Variants in TRAP1 observed in about 807,000 individuals in gnomAD.
The protein encoded by TRAP1 is heat shock protein 75 kDa, mitochondrial.
TRAP1 carries 102 observed loss-of-function variants against 89.1 expected under a neutral mutation model. That is an observed-to-expected ratio of 1.15 (90% CI 0.98 to 1.35). The LOEUF (loss-of-function observed/expected upper bound fraction) is 1.35, where lower values mean the gene tolerates loss of function less well. Among genes scored for constraint, TRAP1 ranks in the 40% most tolerant of loss-of-function variants. The probability of loss-of-function intolerance (pLI) is 0.00; values close to 1 mark genes in which losing one functional copy is unlikely to be tolerated. For missense variants in TRAP1, 1,256 were observed against 945.3 expected (o/e 1.33, Z -4.31); for synonymous variants, 508 against 388.0 (o/e 1.31, Z -3.64).
At position 3,671,722 on chromosome 16, in the gene TRAP1, C is replaced by T. The variant is rs146977106; in HGVS notation, c.1235G>A (p.Arg412Lys). 14 of 1,612,626 alleles carry T rather than the reference C, an allele frequency of 8.7e-6. No individual in the cohort carries two copies. In the African/African-American group the frequency reaches 1.5e-4, roughly 17 times the overall value. The change falls in exon 11 of 18, where the codon AGG (arginine) becomes AAG (lysine). Residue 412 changes from arginine (R) to lysine (K), a missense_variant and splice_region_variant. Physicochemically the swap from Arg to Lys is conservative, Grantham distance 26. Coordinates refer to ENST00000246957, the MANE Select transcript of TRAP1 (RefSeq NM_016292.3). ...RELLQESALI[R>K]KLRDVLQQRL... is the part of the protein sequence containing the mutation. ...CCTCTCCCCGCGGCCCGAGGCTCAC[C>T]TGATGAGTGCGCTCTCCTGCAGCAG...
In TRAP1 at chr16:3,665,975, ACCT is replaced by A; in HGVS notation, c.1376_1378del (p.Glu459del). The A allele has an allele frequency of 6.2e-7, 1 of 1,612,538 alleles. No individual in the cohort carries two copies. The highest frequency in any genetic ancestry group is 8.5e-7 in the Non-Finnish European group (1 of 1,179,484). On this transcript the variant is annotated inframe_deletion, in exon 12 of 18. Coordinates refer to ENST00000246957, the MANE Select transcript of TRAP1 (RefSeq NM_016292.3). ...CCTGGAACACAGCTCCTATACCTTG[ACCT>A]CCTGCTCGGTGGCGGTCACAATGCC...
chr16:3,685,648 A>G (rs1285915263), intron 4 of TRAP1, among the ~76,000 whole-genome samples: 1 of 152,182 alleles, frequency 6.6e-6, no homozygotes, highest in Non-Finnish European at 1.5e-5. Flanking sequence ...CGGCATTTTG[A>G]GGGGAAAACG....
Position 3,706,116 on chromosome 16 carries a change from A to C in TRAP1, c.88+11305T>G, listed in dbSNP as rs567615812. ...TGCTGAGGCACCCGCCACCACGCCC[A>C]GTTAATTTTTGTATTTTTAGTAGAG... On this transcript the variant is annotated intron_variant, in intron 1 of 17. Transcript: ENST00000246957. 2.6e-3 allele frequency among the ~76,000 whole-genome samples: 394 copies of C among 150,474 alleles called. 5 individuals carry two copies. The highest frequency in any genetic ancestry group is 2.7e-3 in the Non-Finnish European group (182 of 67,744).
At chr16:3,677,807 G>C in intron 5 of TRAP1, 149 bp from the exon 6 acceptor site, 1 of 891,520 alleles carries the variant, frequency 1.1e-6, no homozygotes, top group Non-Finnish European at 1.7e-6. Context: ...TACACGTGAA[G>C]AGCTAAGTCA....
chr16:3,715,142 G>A (rs2051580978), intron 1 of TRAP1, among the ~76,000 whole-genome samples: 1 of 152,168 alleles, frequency 6.6e-6, no homozygotes, highest in Admixed American at 6.6e-5. Context: ...CAATTTTTAA[G>A]AAAAAGAGAT....
intron 1 of TRAP1, among the ~76,000 whole-genome samples, chr16:3,707,460 C>G (rs1167580156): frequency 1.3e-5 from 2 of 151,384 alleles, no homozygotes; most frequent in African/African-American, 4.9e-5. Context: ...GCTAGGATTA[C>G]AAGCGTGAGC....
chr16:3,704,449 T>G (rs2051411956), intron 1 of TRAP1: 1 of 152,210 alleles, frequency 6.6e-6, no homozygotes, highest in Non-Finnish European at 1.5e-5. Flanking sequence ...ATTCTAAAAT[T>G]CATGTGGAAA....
intron 11 of TRAP1, among the ~76,000 whole-genome samples, chr16:3,668,290 C>T (rs1320428869): frequency 6.6e-6 from 1 of 151,420 alleles, no homozygotes; most frequent in Admixed American, 6.6e-5. Context: ...GAACTCCTGA[C>T]CTCAGGTGAT....
chr16:3,672,600 T>C (rs2050928875), intron 10 of TRAP1, 100 bp downstream of exon 10: 8 of 1,456,320 alleles, frequency 5.5e-6, no homozygotes, highest in Non-Finnish European at 6.3e-6. Flanking sequence ...GTGCTCTCGC[T>C]GCAGAGGGCT....
At chr16:3,690,033 G>T (rs537233286) in intron 2 of TRAP1, among the ~76,000 whole-genome samples, 2 of 152,064 alleles carry the variant, frequency 1.3e-5, no homozygotes, top group African/African-American at 4.8e-5. Flanking sequence ...TTAGAGGCAG[G>T]ATCTGGCTCT....
chr16:3,664,721 C>T (rs951870769), intron 12 of TRAP1: 23 of 436,034 alleles, frequency 5.3e-5, no homozygotes, highest in Admixed American at 8.9e-5. Flanking sequence ...ACGCGCACCA[C>T]GCCCTGGGAG....
chr16:3,705,993 CTTTT>C (rs1027983602), intron 1 of TRAP1, among the ~76,000 whole-genome samples: 6 of 149,010 alleles, frequency 4.0e-5, no homozygotes, highest in Admixed American at 6.7e-5. Context: ...AGTCCCGGCC[CTTTT>C]TTTCTTTTTT....
intron 1 of TRAP1, among the ~76,000 whole-genome samples, chr16:3,697,070 C>T (rs2051297693): frequency 1.3e-5 from 2 of 152,178 alleles, no homozygotes; most frequent in Admixed American, 1.3e-4. Flanking sequence ...CCAAGTCACA[C>T]TCCACAGAGA....
chr16:3,671,725 A>G lies in TRAP1; in HGVS notation c.1232T>C (p.Ile411Thr), dbSNP rs773434458. 7 of 1,612,848 alleles carry G rather than the reference A, an allele frequency of 4.3e-6. No individual in the cohort carries two copies. Among genetic ancestry groups the G allele is most frequent in the Non-Finnish European group, 5.1e-6 (6 of 1,179,998 alleles). Residue 411 changes from isoleucine to threonine, a missense_variant, in exon 11 of 18, where the codon ATC becomes ACC. Physicochemically the swap from Ile to Thr is moderately conservative, Grantham distance 89. Coordinates refer to ENST00000246957, the MANE Select transcript of TRAP1 (RefSeq NM_016292.3). The part of the protein sequence containing the change: ...SRELLQESAL[I>T]RKLRDVLQQR... The stretch of plus-strand genomic sequence containing the variant: ...CTCCCCGCGGCCCGAGGCTCACCTG[A>G]TGAGTGCGCTCTCCTGCAGCAGCTC...
chr16:3,658,755 C>G (rs770012487), intron 17 of TRAP1, 38 bp downstream of exon 17: 4 of 1,594,490 alleles, frequency 2.5e-6, no homozygotes, highest in Admixed American at 1.7e-5. Flanking sequence ...GGGCTGGTAG[C>G]CTGGGTCCCT....
intron 16 of TRAP1, chr16:3,660,016 C>G (rs374922811): frequency 6.6e-6 from 1 of 151,536 alleles, no homozygotes; most frequent in Non-Finnish European, 1.5e-5. Context: ...CGTGAGGCAC[C>G]GCACCCAACC....
chr16:3,663,785 C>T, intron 13 of TRAP1: 1 of 577,102 alleles, frequency 1.7e-6, no homozygotes, highest in Non-Finnish European at 3.0e-6. Context: ...TAAAGAAATC[C>T]ACATGTGGCT....
At chr16:3,717,370 C>T in intron 1 of TRAP1, 51 bp downstream of exon 1, 2 of 739,946 alleles carry the variant, frequency 2.7e-6, no homozygotes, top group Non-Finnish European at 3.7e-6. Context: ...ACGTCCCTGC[C>T]GTCTCCGTGG....
At chr16:3,704,659 C>A (rs1333618815) in intron 1 of TRAP1, among the ~76,000 whole-genome samples, 1 of 152,062 alleles carries the variant, frequency 6.6e-6, no homozygotes, top group Non-Finnish European at 1.5e-5. Flanking sequence ...TCGAGGCCAG[C>A]CTAGGTAACA....
Sources: allele counts gnomAD v4.1 joint callset (sites outside exome capture counted in the v4.1 genomes callset), GRCh38; gene constraint gnomAD v4.1.1; transcripts MANE v1.5; gene names NCBI Gene and HGNC (gene_info 2026-07-23, HGNC 2026-07-21).